The following MRPS27 variants were observed in gnomAD, a reference collection of about 807,000 sequenced individuals.
MRPS27 encodes the protein mitochondrial ribosomal protein S27, also known as small ribosomal subunit protein mS27.
MRPS27 carries 43 observed loss-of-function variants against 48.9 expected under a neutral mutation model. The observed-to-expected ratio is 0.88, with a 90% confidence interval of 0.69 to 1.13. The LOEUF (loss-of-function observed/expected upper bound fraction) is 1.13, where lower values mean the gene tolerates loss of function less well. Among genes scored for constraint, MRPS27 ranks in the 50% most tolerant of loss-of-function variants. The probability of loss-of-function intolerance (pLI) is 0.00; values close to 1 mark genes in which losing one functional copy is unlikely to be tolerated. For synonymous variants in MRPS27, 188 were observed against 171.9 expected (o/e 1.09, Z -0.73); for missense variants, 467 against 476.3 (o/e 0.98, Z 0.18).
intron 4 of MRPS27, among the ~76,000 whole-genome samples, chr5:72,279,990 A>C (rs1749492205): frequency 6.6e-6 from 1 of 152,204 alleles, no homozygotes; most frequent in Non-Finnish European, 1.5e-5. Flanking sequence ...TAACTAATCC[A>C]TTCTTCGCCC....
intron 3 of MRPS27, among the ~76,000 whole-genome samples, chr5:72,295,921 T>G (rs1382644408): frequency 6.6e-6 from 1 of 152,184 alleles, no homozygotes; most frequent in African/African-American, 2.4e-5. Flanking sequence ...CCTTTATCTT[T>G]AAACCCTGAT....
At chr5:72,242,665 TACACACACACACAC>T (rs57589095) in intron 4 of MRPS27, among the ~76,000 whole-genome samples, 7 of 134,202 alleles carry the variant, frequency 5.2e-5, no homozygotes, top group African/African-American at 1.8e-4. Flanking sequence ...AGACCCCGTC[TACACACACACACAC>T]ACACACACAC....
At chr5:72,307,128 C>T (rs1561363726) in intron 2 of MRPS27, among the ~76,000 whole-genome samples, 1 of 151,968 alleles carries the variant, frequency 6.6e-6, no homozygotes, top group African/African-American at 2.4e-5. Flanking sequence ...CCGAGGTGGG[C>T]GGATCACGAG....
intron 4 of MRPS27, among the ~76,000 whole-genome samples, chr5:72,242,202 G>A (rs1421207594): frequency 6.6e-6 from 1 of 151,998 alleles, no homozygotes; most frequent in African/African-American, 2.4e-5. Flanking sequence ...GCCAAACCAC[G>A]GCCAATAAAA....
intron 2 of MRPS27, among the ~76,000 whole-genome samples, chr5:72,303,193 C>A (rs1006878309): frequency 6.6e-6 from 1 of 152,184 alleles, no homozygotes; most frequent in African/African-American, 2.4e-5. Context: ...TGCTCATTAT[C>A]TTGATCATGG....
chr5:72,277,651 G>A (rs79402388), intron 4 of MRPS27, among the ~76,000 whole-genome samples: 8 of 152,024 alleles, frequency 5.3e-5, no homozygotes, highest in Admixed American at 2.0e-4. Flanking sequence ...TATGTTCATC[G>A]CAGCACCATT....
At chr5:72,264,759 T>C (rs1749067597) in intron 4 of MRPS27, among the ~76,000 whole-genome samples, 1 of 152,328 alleles carries the variant, frequency 6.6e-6, no homozygotes, top group South Asian at 2.1e-4. Flanking sequence ...GACTCTCCTG[T>C]ACAGCCTTCA....
chr5:72,302,535 TA>T (rs924456716), intron 2 of MRPS27, among the ~76,000 whole-genome samples: 1 of 152,236 alleles, frequency 6.6e-6, no homozygotes, highest in Non-Finnish European at 1.5e-5. Context: ...TAAAATGAAT[TA>T]AATATCTTTA....
intron 4 of MRPS27, among the ~76,000 whole-genome samples, chr5:72,289,596 T>G (rs1360203027): frequency 6.6e-6 from 1 of 152,036 alleles, no homozygotes; most frequent in Non-Finnish European, 1.5e-5. Flanking sequence ...TAATTTTTTG[T>G]ATCTTTTTAT....
intron 4 of MRPS27, among the ~76,000 whole-genome samples, chr5:72,266,679 GAAACCCC>G: frequency 6.6e-6 from 1 of 152,104 alleles, no homozygotes. Context: ...TTAACATGGT[GAAACCCC>G]GTCTCTACTA....
chr5:72,234,105 G>T lies in MRPS27; in HGVS notation c.475+14C>A. 1 of 1,493,232 alleles carries T rather than the reference G, an allele frequency of 6.7e-7. No individual in the cohort carries two copies. Among genetic ancestry groups the T allele is most frequent in the Non-Finnish European group, 8.9e-7 (1 of 1,124,550 alleles). 92.5% of individuals were successfully genotyped at this position (1,493,232 alleles called of 1,614,324 possible). A position where few individuals can be genotyped will look rare whatever the true frequency, so the allele number is the denominator to read the frequency against. The stretch of plus-strand genomic sequence containing the variant: ...GAAGCCCTATAAACACTGAATCTGG[G>T]GTTAGTTTCTTACCTTTGTAATTTT... On this transcript the variant is annotated intron_variant, in intron 6 of 10. Coordinates refer to ENST00000261413, the MANE Select transcript of MRPS27 (RefSeq NM_015084.3).
intron 4 of MRPS27, among the ~76,000 whole-genome samples, chr5:72,276,791 T>A (rs1184962058): frequency 6.6e-6 from 1 of 151,176 alleles, no homozygotes; most frequent in East Asian, 1.9e-4. Context: ...CAACACTCTG[T>A]GAGGCCGAGG....
chr5:72,280,967 C>A (rs1749518608), intron 4 of MRPS27, among the ~76,000 whole-genome samples: 1 of 152,178 alleles, frequency 6.6e-6, no homozygotes, highest in Non-Finnish European at 1.5e-5. Context: ...AGGAAGCTTC[C>A]CCCAAAATGT....
chr5:72,291,034 G>A (rs918786665), intron 4 of MRPS27, among the ~76,000 whole-genome samples: 1 of 152,174 alleles, frequency 6.6e-6, no homozygotes, highest in African/African-American at 2.4e-5. Context: ...TCTCCTGACA[G>A]GTAGCATCTC....
intron 2 of MRPS27, among the ~76,000 whole-genome samples, chr5:72,301,687 C>G (rs1403461664): frequency 6.6e-6 from 1 of 152,200 alleles, no homozygotes; most frequent in East Asian, 1.9e-4. Flanking sequence ...TTGGCTGGAG[C>G]CTCAGAAAAG....
intron 1 of MRPS27, 66 bp downstream of exon 1, chr5:72,320,083 A>G: frequency 6.5e-7 from 1 of 1,536,238 alleles, no homozygotes; most frequent in Non-Finnish European, 9.0e-7. Context: ...CTCCTCTTGA[A>G]AGCCCACCGC....
chr5:72,223,379 A>AT (rs1747804672), intron 10 of MRPS27, among the ~76,000 whole-genome samples: 1 of 152,228 alleles, frequency 6.6e-6, no homozygotes, highest in Non-Finnish European at 1.5e-5. Flanking sequence ...GAGTCAGGTT[A>AT]TTGCTATGAG....
intron 4 of MRPS27, among the ~76,000 whole-genome samples, chr5:72,294,364 C>T (rs1749921906): frequency 6.6e-6 from 1 of 152,042 alleles, no homozygotes; most frequent in African/African-American, 2.4e-5. Flanking sequence ...ACAGAAACAA[C>T]TAAAAATTCT....
intron 1 of MRPS27, among the ~76,000 whole-genome samples, chr5:72,318,536 C>T (rs1021151679): frequency 2.0e-5 from 3 of 152,176 alleles, no homozygotes; most frequent in African/African-American, 4.8e-5. Context: ...GGCTCACGCC[C>T]GTAATCCCAG....
Sources: allele counts gnomAD v4.1 joint callset (sites outside exome capture counted in the v4.1 genomes callset), GRCh38; gene constraint gnomAD v4.1.1; transcripts MANE v1.5; gene names NCBI Gene and HGNC (gene_info 2026-07-23, HGNC 2026-07-21).